Variants in ADD3 observed in about 807,000 individuals in gnomAD.
ADD3 encodes the protein gamma-adducin.
ADD3 carries 25 observed loss-of-function variants against 80.2 expected under a neutral mutation model. That is an observed-to-expected ratio of 0.31 (90% CI 0.23 to 0.44). The LOEUF is 0.44. Ranked by LOEUF, ADD3 falls within the 20% of genes least tolerant of loss-of-function variation. The probability of loss-of-function intolerance (pLI) is 1.00; values close to 1 mark genes in which losing one functional copy is unlikely to be tolerated. For synonymous variants in ADD3, 284 were observed against 289.6 expected (o/e 0.98, Z 0.20); for missense variants, 829 against 847.5 (o/e 0.98, Z 0.27).
chr10:110,072,126 A>G (rs538762882), intron 1 of ADD3, among the ~76,000 whole-genome samples: 3 of 152,334 alleles, frequency 2.0e-5, no homozygotes, highest in Admixed American at 1.3e-4. Flanking sequence ...CAGTGGCGCA[A>G]TCTCGGCTCA....
At chr10:110,132,250 C>A in intron 13 of ADD3, 55 bp from the exon 14 acceptor site, 1 of 1,311,224 alleles carries the variant, frequency 7.6e-7, no homozygotes, top group Non-Finnish European at 1.1e-6. Flanking sequence ...TCCCTAAAAT[C>A]ATATGCTGCT....
intron 1 of ADD3, among the ~76,000 whole-genome samples, chr10:110,097,972 T>A (rs1328504024): frequency 6.6e-6 from 1 of 152,106 alleles, no homozygotes; most frequent in Non-Finnish European, 1.5e-5. Flanking sequence ...AGACAGAGTT[T>A]CACCGTGTTG....
rs922695730 is a variant in ADD3 at position 110,008,227 on chromosome 10, C to CGGCGGCTGCTGCAGCCCG, written c.-92_-75dup. 4 of 152,320 alleles carry CGGCGGCTGCTGCAGCCCG rather than the reference C, an allele frequency of 2.6e-5. No individual in the cohort carries two copies. Among genetic ancestry groups the CGGCGGCTGCTGCAGCCCG allele is most frequent in the African/African-American group, 4.8e-5 (2 of 41,446 alleles). The allele number at this position is 152,320 out of a possible 1,614,324, so 9.4% of individuals were successfully genotyped here. On this transcript the variant is annotated 5_prime_UTR_variant, in exon 1 of 15. Transcript: ENST00000356080. Reference sequence around the variant, plus strand: ...TAAGAGGCGGCCGCAGCGGCGGATCCGGCGGCTGCTGCAGCCCGGGCGGCT... The same window carrying CGGCGGCTGCTGCAGCCCG: ...TAAGAGGCGGCCGCAGCGGCGGATCCGGCGGCTGCTGCAGCCCGGGCGGCTGCTGCAGCCCGGGCGGCT...
upstream of ADD3, among the ~76,000 whole-genome samples, chr10:110,006,342 C>CT (rs1270535866): frequency 2.6e-5 from 4 of 152,092 alleles, no homozygotes; most frequent in East Asian, 3.8e-4. Flanking sequence ...CCTTAGGATA[C>CT]TTTTTTTGCT....
intron 8 of ADD3, among the ~76,000 whole-genome samples, chr10:110,121,654 C>T (rs939568183): frequency 1.3e-5 from 2 of 152,222 alleles, no homozygotes; most frequent in Non-Finnish European, 2.9e-5. Flanking sequence ...GGTTCCTCCT[C>T]TTCTCAAATG....
chr10:110,040,917 TCTCTCTCTCTCG>T (rs1007758760), intron 1 of ADD3, among the ~76,000 whole-genome samples: 9 of 142,016 alleles, frequency 6.3e-5, no homozygotes, highest in African/African-American at 2.4e-4. Flanking sequence ...ACGCACGCGC[TCTCTCTCTCTCG>T]CTCTCTCTCT....
At chr10:110,120,535 C>A (rs1278906007) in intron 8 of ADD3, among the ~76,000 whole-genome samples, 1 of 151,996 alleles carries the variant, frequency 6.6e-6, no homozygotes, top group Admixed American at 6.6e-5. Context: ...AATAAACATA[C>A]GTGTGCATGT....
At chr10:110,098,634 A>AT (rs71486095) in intron 1 of ADD3, among the ~76,000 whole-genome samples, 119 of 146,508 alleles carry the variant, frequency 8.1e-4, no homozygotes, top group Middle Eastern at 3.6e-3. Flanking sequence ...TGAATACAGA[A>AT]TTTTTTTTTT....
chr10:110,045,998 T>C (rs1423377755), intron 1 of ADD3, among the ~76,000 whole-genome samples: 2 of 152,192 alleles, frequency 1.3e-5, no homozygotes, highest in Non-Finnish European at 2.9e-5. Flanking sequence ...CTCAGTATTA[T>C]TGTGTATCTT....
In ADD3 at chr10:110,096,390, C is replaced by T. The variant is rs147726397; in HGVS notation, c.-29-4235C>T. ...CACTGCCTAGGCCCCAGAGCTAATG[C>T]CAGGTTTTCAGTTTTTGTTATTACA... On this transcript the variant is annotated intron_variant, in intron 1 of 14. Coordinates refer to ENST00000356080, the MANE Select transcript of ADD3 (RefSeq NM_016824.5). Among the ~76,000 whole-genome samples the T allele has an allele frequency of 1.5e-3, 230 of 152,280 alleles. 1 individual carries two copies. Among genetic ancestry groups the T allele is most frequent in the Admixed American group, 0.013 (192 of 15,290 alleles).
At chr10:110,047,186 G>A (rs1667187196) in intron 1 of ADD3, among the ~76,000 whole-genome samples, 1 of 152,168 alleles carries the variant, frequency 6.6e-6, no homozygotes, top group African/African-American at 2.4e-5. Flanking sequence ...TAGGGCAGTT[G>A]TAAAAGTCAT....
chr10:110,081,358 T>C (rs1027612752), intron 1 of ADD3, among the ~76,000 whole-genome samples: 1 of 152,220 alleles, frequency 6.6e-6, no homozygotes, highest in African/African-American at 2.4e-5. Flanking sequence ...ACAGTCTTGC[T>C]TAGAATCCTC....
At chr10:110,007,556 G>C (rs1037504795), upstream of ADD3, among the ~76,000 whole-genome samples, 4 of 152,170 alleles carry the variant, frequency 2.6e-5, no homozygotes, top group South Asian at 4.1e-4. Flanking sequence ...GGTTTCTATC[G>C]GGGTCGTTTC....
chr10:110,090,018 C>G (rs987637586), intron 1 of ADD3, among the ~76,000 whole-genome samples: 1 of 152,046 alleles, frequency 6.6e-6, no homozygotes, highest in Admixed American at 6.6e-5. Flanking sequence ...CTCTTCCTCT[C>G]CCAACCCCCA....
intron 1 of ADD3, among the ~76,000 whole-genome samples, chr10:110,020,761 T>C (rs1589750768): frequency 6.6e-6 from 1 of 152,208 alleles, no homozygotes; most frequent in African/African-American, 2.4e-5. Flanking sequence ...TGAGAATTGA[T>C]TGGATTCTGG....
At chr10:110,095,413 T>G (rs528537875) in intron 1 of ADD3, among the ~76,000 whole-genome samples, 1 of 152,388 alleles carries the variant, frequency 6.6e-6, no homozygotes, top group East Asian at 1.9e-4. Flanking sequence ...ATCTGTTTTC[T>G]ACCTCTATAG....
intron 1 of ADD3, among the ~76,000 whole-genome samples, chr10:110,013,276 T>G (rs1419477588): frequency 6.6e-6 from 1 of 152,070 alleles, no homozygotes; most frequent in Non-Finnish European, 1.5e-5. Context: ...CTCATTTTTG[T>G]ATTTTTAGTA....
intron 1 of ADD3, among the ~76,000 whole-genome samples, chr10:110,039,525 C>A (rs1348106536): frequency 1.3e-5 from 2 of 152,140 alleles, no homozygotes; most frequent in Non-Finnish European, 1.5e-5. Flanking sequence ...TTACAAACTG[C>A]TGAAGTTATT....
At chr10:110,064,129 A>G (rs886665972) in intron 1 of ADD3, among the ~76,000 whole-genome samples, 4 of 152,130 alleles carry the variant, frequency 2.6e-5, no homozygotes, top group Non-Finnish European at 4.4e-5. Flanking sequence ...ATGAACATAA[A>G]ATAATTCATT....
Sources: gnomAD v4.1 joint callset for allele counts (sites outside exome capture counted in the v4.1 genomes callset) on GRCh38, gnomAD v4.1.1 for gene constraint, MANE v1.5 for transcripts, NCBI Gene and HGNC (gene_info 2026-07-23, HGNC 2026-07-21) for gene names.